The following MGAT5 variants were observed in gnomAD, a reference collection of about 807,000 sequenced individuals.
The protein encoded by MGAT5 is alpha-1,6-mannosylglycoprotein 6-beta-N-acetylglucosaminyltransferase.
Under a neutral mutation model 94.3 loss-of-function variants are expected in MGAT5, and 30 were observed. The observed-to-expected ratio is 0.32, with a 90% CI of 0.24 to 0.43. MGAT5 has a LOEUF of 0.43. Among genes scored for constraint, MGAT5 ranks in the 20% least tolerant of loss-of-function variants. The pLI is 1.00. For synonymous variants in MGAT5, 310 were observed against 322.9 expected (o/e 0.96, Z 0.43); for missense variants, 691 against 905.5 (o/e 0.76, Z 3.04).
chr2:134,173,968 A>G (rs375483233), intron 1 of MGAT5, among the ~76,000 whole-genome samples: 2 of 152,196 alleles, frequency 1.3e-5, no homozygotes, highest in African/African-American at 4.8e-5. Flanking sequence ...CAGGTTATAA[A>G]TCATCATCTC....
intron 10 of MGAT5, among the ~76,000 whole-genome samples, chr2:134,379,803 C>T (rs1232658361): frequency 6.6e-6 from 1 of 152,222 alleles, no homozygotes; most frequent in Non-Finnish European, 1.5e-5. Flanking sequence ...GTTTCATCCC[C>T]TCTTGATAAG....
intron 4 of MGAT5, among the ~76,000 whole-genome samples, chr2:134,333,027 C>T (rs1003083337): frequency 9.2e-5 from 14 of 152,198 alleles, no homozygotes; most frequent in East Asian, 3.9e-4. Context: ...GTCAGTGTGG[C>T]GATTCCTCAG....
chr2:134,207,084 G>A (rs188238783), intron 1 of MGAT5, among the ~76,000 whole-genome samples: 90 of 152,270 alleles, frequency 5.9e-4, no homozygotes, highest in African/African-American at 2.0e-3. Context: ...CTTAGAATCT[G>A]TTTTCTTGAC....
rs181039440 is a variant in MGAT5, at chr2:134,443,341, G to A, written c.2027+1426G>A. 2.0e-5 allele frequency among the ~76,000 whole-genome samples: 3 copies of A among 152,146 alleles called. No homozygotes were observed. In the East Asian group the frequency reaches 5.8e-4, roughly 29 times the overall value. On this transcript the variant is annotated intron_variant, in intron 15 of 15. Transcript: ENST00000281923. ...CAAATAGCTGGGACTATAACTGCAC[G>A]CCACCATGCCCAGCTAACTTTTGTA...
At chr2:134,150,349 A>G (rs1687116602) in intron 1 of MGAT5, among the ~76,000 whole-genome samples, 1 of 152,218 alleles carries the variant, frequency 6.6e-6, no homozygotes, top group Admixed American at 6.5e-5. Flanking sequence ...GGTGTCCAGC[A>G]GAGAAGTTCT....
At chr2:134,277,843 T>A (rs1045823978) in intron 2 of MGAT5, among the ~76,000 whole-genome samples, 12 of 152,360 alleles carry the variant, frequency 7.9e-5, no homozygotes, top group African/African-American at 2.9e-4. Context: ...TTGTATATAG[T>A]GTTTCACTGG....
intron 4 of MGAT5, among the ~76,000 whole-genome samples, chr2:134,323,906 T>G (rs1687486228): frequency 6.6e-6 from 1 of 152,102 alleles, no homozygotes; most frequent in Admixed American, 6.6e-5. Flanking sequence ...TCTGTTTTCG[T>G]GAGCCATGTA....
At chr2:134,373,930 A>G (rs1013690258) in intron 10 of MGAT5, among the ~76,000 whole-genome samples, 5 of 152,200 alleles carry the variant, frequency 3.3e-5, no homozygotes, top group Admixed American at 1.3e-4. Context: ...TTCCTCGTCA[A>G]CACTGCTAGA....
chr2:134,121,626 T>G (rs536287185), intron 1 of MGAT5, among the ~76,000 whole-genome samples: 1 of 152,274 alleles, frequency 6.6e-6, no homozygotes, highest in East Asian at 1.9e-4. Context: ...GGCGGCCCAG[T>G]TAGGGAAGAT....
At chr2:134,228,359 A>G (rs1681172771) in intron 1 of MGAT5, among the ~76,000 whole-genome samples, 1 of 152,220 alleles carries the variant, frequency 6.6e-6, no homozygotes, top group African/African-American at 2.4e-5. Context: ...AAAAGCCCTG[A>G]TAAAAATCCT....
chr2:134,265,829 A>G (rs1352607303), intron 1 of MGAT5, among the ~76,000 whole-genome samples: 1 of 152,190 alleles, frequency 6.6e-6, no homozygotes, highest in Non-Finnish European at 1.5e-5. Flanking sequence ...TAAACTATAG[A>G]AATTATTTGT....
At chr2:134,319,840 G>A (rs1687213828) in intron 4 of MGAT5, 10 of 298,990 alleles carry the variant, frequency 3.3e-5, no homozygotes, top group South Asian at 2.8e-4. Context: ...AGTCATCCCA[G>A]TTGTCATTAG....
At chr2:134,319,758 T>C (rs1687209140) in intron 4 of MGAT5, 1 of 425,274 alleles carries the variant, frequency 2.4e-6, no homozygotes. Flanking sequence ...GTGTAGCTAT[T>C]TTTGGAATTC....
chr2:134,196,400 C>CT (rs1450146585), intron 1 of MGAT5, among the ~76,000 whole-genome samples: 1 of 125,998 alleles, frequency 7.9e-6, no homozygotes, highest in East Asian at 3.0e-4. Context: ...GATCTTAAGG[C>CT]TTAAAAAAAA....
At chr2:134,232,984 C>T (rs1485426221) in intron 1 of MGAT5, among the ~76,000 whole-genome samples, 1 of 152,076 alleles carries the variant, frequency 6.6e-6, no homozygotes, top group Non-Finnish European at 1.5e-5. Flanking sequence ...TCATAACTTT[C>T]TTAAGTTAAA....
intron 4 of MGAT5, among the ~76,000 whole-genome samples, chr2:134,321,294 A>G (rs185329447): frequency 6.6e-6 from 1 of 152,276 alleles, no homozygotes; most frequent in Admixed American, 6.5e-5. Context: ...GAGTCTGACC[A>G]AGCTCCATGA....
intron 11 of MGAT5, among the ~76,000 whole-genome samples, chr2:134,410,949 A>G (rs535559748): frequency 2.6e-5 from 4 of 152,262 alleles, no homozygotes; most frequent in Non-Finnish European, 5.9e-5. Flanking sequence ...GACAGAGGTC[A>G]TTTGTTTTCC....
At chr2:134,234,017 A>G (rs909634849) in intron 1 of MGAT5, among the ~76,000 whole-genome samples, 15 of 152,202 alleles carry the variant, frequency 9.9e-5, no homozygotes, top group African/African-American at 3.6e-4. Context: ...CTGAGTGGAG[A>G]AATCAGAACG....
chr2:134,379,821 G>A (rs1681425882), intron 10 of MGAT5, among the ~76,000 whole-genome samples: 1 of 152,212 alleles, frequency 6.6e-6, no homozygotes, highest in Non-Finnish European at 1.5e-5. Flanking sequence ...AAGAACTCTG[G>A]CATTTCTCAT....
Sources: gnomAD v4.1 joint callset for allele counts (sites outside exome capture counted in the v4.1 genomes callset) on GRCh38, gnomAD v4.1.1 for gene constraint, MANE v1.5 for transcripts, NCBI Gene and HGNC (gene_info 2026-07-23, HGNC 2026-07-21) for gene names.